The following RCOR3 variants were observed in gnomAD, a reference collection of about 807,000 sequenced individuals.
RCOR3 encodes REST corepressor 3.
Under a neutral mutation model 64.1 loss-of-function variants are expected in RCOR3, and 13 were observed. The ratio of observed to expected loss-of-function variants is 0.20; its 90% CI spans 0.13 to 0.32. The LOEUF is 0.32. Among genes scored for constraint, RCOR3 ranks in the 10% least tolerant of loss-of-function variants. The pLI is 1.00. For missense variants in RCOR3, 489 were observed against 701.2 expected, an observed-to-expected ratio of 0.70 and a Z score of 3.42; for synonymous variants, 215 against 239.0, an observed-to-expected ratio of 0.90 and a Z score of 0.93.
Position 211,259,482 on chromosome 1 carries a change from C to A in RCOR3, c.-79C>A. 6.9e-7 allele frequency: 1 copy of A among 1,441,944 alleles called. No homozygotes were observed. Among genetic ancestry groups the A allele is most frequent in the Non-Finnish European group, 9.3e-7 (1 of 1,070,626 alleles). The allele number at this position is 1,441,944 out of a possible 1,614,324, so 89.3% of individuals were successfully genotyped here. A position where few individuals can be genotyped will look rare whatever the true frequency, so the allele number is the denominator to read the frequency against. On this transcript the variant is annotated 5_prime_UTR_variant, in exon 1 of 12. Coordinates refer to ENST00000419091, the MANE Select transcript of RCOR3 (RefSeq NM_001136223.3). ...CTCCTCCTCCTCCTCCTTTCCCTCC[C>A]GCCCGCGCTCTAAGCCATCTCCGCC...
At chr1:211,310,631 A>C (rs1016038222) in intron 10 of RCOR3, among the ~76,000 whole-genome samples, 2 of 152,230 alleles carry the variant, frequency 1.3e-5, no homozygotes, top group Non-Finnish European at 2.9e-5. Flanking sequence ...ATTGATGACA[A>C]GGTAAAGTCC....
intron 8 of RCOR3, among the ~76,000 whole-genome samples, chr1:211,293,234 G>C (rs1309364716): frequency 2.0e-5 from 3 of 151,514 alleles, no homozygotes; most frequent in Non-Finnish European, 2.9e-5. Flanking sequence ...TTCTCACCTG[G>C]ATTGTTAAAT....
chr1:211,313,891 G>T lies in RCOR3; in HGVS notation c.*123G>T. On this transcript the variant is annotated 3_prime_UTR_variant, in exon 12 of 12. Coordinates refer to ENST00000419091, the MANE Select transcript of RCOR3 (RefSeq NM_001136223.3). This position sits in a 1 kb window ranked among gnomAD's most constrained non-coding sequence, Gnocchi z 4.7. Reference sequence around the variant, plus strand: ...TACTGAGGCTGCGAACTAGTTCTGTGGCAGTGGACTAGCATAAGTGGATGT... The same window carrying T: ...TACTGAGGCTGCGAACTAGTTCTGTTGCAGTGGACTAGCATAAGTGGATGT... The T allele has an allele frequency of 2.2e-6, 2 of 907,078 alleles. No individual in the cohort carries two copies. Among genetic ancestry groups the T allele is most frequent in the Non-Finnish European group, 3.3e-6 (2 of 610,304 alleles). The allele number at this position is 907,078 out of a possible 1,614,324, so 56.2% of individuals were successfully genotyped here.
At chr1:211,301,211 T>G (rs1700347931) in intron 9 of RCOR3, among the ~76,000 whole-genome samples, 1 of 152,140 alleles carries the variant, frequency 6.6e-6, no homozygotes, top group Admixed American at 6.6e-5. Flanking sequence ...AATAAATGAA[T>G]CTGATTTTAG....
intron 3 of RCOR3, 135 bp from the exon 4 acceptor site, chr1:211,274,075 C>T: frequency 1.9e-6 from 1 of 517,216 alleles, no homozygotes; most frequent in South Asian, 3.2e-5. Flanking sequence ...TGTAACATTT[C>T]ATGGGAGGTG....
intron 8 of RCOR3, among the ~76,000 whole-genome samples, chr1:211,291,844 C>T (rs1699276675): frequency 6.6e-6 from 1 of 152,144 alleles, no homozygotes; most frequent in Non-Finnish European, 1.5e-5. Context: ...TATGGGCTGA[C>T]ATGGTGGCTC....
At chr1:211,274,373 T>G in intron 4 of RCOR3, 111 bp downstream of exon 4, 1 of 624,676 alleles carries the variant, frequency 1.6e-6, no homozygotes, top group Non-Finnish European at 2.7e-6. Context: ...CCAGCTATTT[T>G]ATAGATACCA....
chr1:211,271,832 G>A (rs952873697), intron 3 of RCOR3: 3 of 199,082 alleles, frequency 1.5e-5, no homozygotes, highest in East Asian at 2.1e-4. Flanking sequence ...GTGATGTAGC[G>A]GACCTGATCC....
In RCOR3 at chr1:211,314,300, T is replaced by G. The variant is rs1378947754; in HGVS notation, c.*532T>G. ...TTCATTTTATGCATATTTAAGAAAT[T>G]ATAGCTGCATATCCCTTCTTTCAAA... is the stretch of plus-strand genomic sequence containing the variant. On this transcript the variant is annotated 3_prime_UTR_variant, in exon 12 of 12. Coordinates refer to ENST00000419091, the MANE Select transcript of RCOR3 (RefSeq NM_001136223.3). The G allele has an allele frequency of 6.6e-6, 1 of 152,246 alleles. No individual in the cohort carries two copies. The highest frequency in any genetic ancestry group is 2.4e-5 in the African/African-American group (1 of 41,444). 9.4% of individuals were successfully genotyped at this position (152,246 alleles called of 1,614,324 possible).
chr1:211,270,066 C>CT (rs11390047), intron 2 of RCOR3, among the ~76,000 whole-genome samples: 130,490 of 144,676 alleles, frequency 0.9, 58,831 homozygotes, highest in East Asian at 0.96. Flanking sequence ...TTTATCTTGA[C>CT]TTTTTTTTTT....
At chr1:211,304,669 G>T (rs1364987925) in intron 10 of RCOR3, among the ~76,000 whole-genome samples, 3 of 152,158 alleles carry the variant, frequency 2.0e-5, no homozygotes, top group Non-Finnish European at 4.4e-5. Flanking sequence ...TTTTAAAGGA[G>T]ACTTAAGAGC....
chr1:211,313,660 T>G lies in RCOR3; in HGVS notation c.1554T>G (p.Asn518Lys). Residue 518 changes from asparagine to lysine, a missense_variant, in exon 12 of 12, where the codon AAT becomes AAG. Physicochemically the swap from Asn to Lys is moderately conservative, Grantham distance 94. Coordinates refer to ENST00000419091, the MANE Select transcript of RCOR3 (RefSeq NM_001136223.3). The surrounding 1 kb of genome is among the most constrained non-coding windows in gnomAD (Gnocchi z 4.7). Reference protein sequence around the residue: ...QPPPPLIRPANSMPPRLNPRP... With the variant: ...QPPPPLIRPAKSMPPRLNPRP... Reference sequence around the variant, plus strand: ...CACCACCTCTTATTCGCCCTGCTAATTCCATGCCACCCCGTCTAAACCCAA... The same window carrying G: ...CACCACCTCTTATTCGCCCTGCTAAGTCCATGCCACCCCGTCTAAACCCAA... 1 of 1,614,214 alleles carries G rather than the reference T, an allele frequency of 6.2e-7. No homozygotes were observed. Among genetic ancestry groups the G allele is most frequent in the Non-Finnish European group, 8.5e-7 (1 of 1,180,026 alleles).
chr1:211,282,089 A>G (rs1407409479), intron 7 of RCOR3, among the ~76,000 whole-genome samples: 2 of 152,230 alleles, frequency 1.3e-5, no homozygotes, highest in African/African-American at 2.4e-5. Context: ...ATGTATATAT[A>G]TGGAATATAT....
chr1:211,271,003 T>C (rs10746434), intron 2 of RCOR3, among the ~76,000 whole-genome samples: 143,942 of 152,188 alleles, frequency 0.95, 68,235 homozygotes, highest in East Asian at 1. Context: ...TACAGGTGCC[T>C]GCCACCAGCC....
chr1:211,296,764 A>G (rs1369181337), intron 9 of RCOR3, among the ~76,000 whole-genome samples: 1 of 152,148 alleles, frequency 6.6e-6, no homozygotes, highest in Non-Finnish European at 1.5e-5. Context: ...TAGACTGACA[A>G]ACATTCTAGT....
intron 7 of RCOR3, among the ~76,000 whole-genome samples, chr1:211,282,375 A>G (rs144609119): frequency 0.012 from 1,841 of 152,338 alleles, 14 homozygotes; most frequent in Middle Eastern, 0.071. Flanking sequence ...AACATATTAC[A>G]TAGAAAGTTT....
chr1:211,281,649 G>A (rs1041980081), intron 7 of RCOR3, among the ~76,000 whole-genome samples: 10 of 152,074 alleles, frequency 6.6e-5, no homozygotes, highest in African/African-American at 1.2e-4. Context: ...TAGATATGTC[G>A]TTTAGTTCCC....
Position 211,259,452 on chromosome 1 carries a change from G to T in RCOR3, c.-109G>T. On this transcript the variant is annotated 5_prime_UTR_variant, in exon 1 of 12. Transcript: ENST00000419091. ...AGCCTCCTCCTCCTCCGCCGCCGCCGCCGTCTCCTCCTCCTCCTCCTTTCC... is the reference window on the plus strand; with the variant it reads ...AGCCTCCTCCTCCTCCGCCGCCGCCTCCGTCTCCTCCTCCTCCTCCTTTCC... 8.9e-7 allele frequency: 1 copy of T among 1,124,594 alleles called. No individual in the cohort carries two copies. 69.7% of individuals were successfully genotyped at this position (1,124,594 alleles called of 1,614,324 possible).
intron 2 of RCOR3, among the ~76,000 whole-genome samples, chr1:211,260,433 CG>C (rs1442737576): frequency 6.6e-6 from 1 of 152,222 alleles, no homozygotes; most frequent in Non-Finnish European, 1.5e-5. Context: ...GGGGCAGGGT[CG>C]GGGTGAGCAG....
Sources: gnomAD v4.1 joint callset for allele counts (sites outside exome capture counted in the v4.1 genomes callset) on GRCh38, gnomAD v4.1.1 for gene constraint, Gnocchi (gnomAD v3.1) non-coding constraint, MANE v1.5 for transcripts, NCBI Gene and HGNC (gene_info 2026-07-23, HGNC 2026-07-21) for gene names.